TTC28: variants seen among roughly 807,000 people sequenced by gnomAD.
The protein encoded by TTC28 is tetratricopeptide repeat protein 28.
TTC28 carries 61 observed loss-of-function variants against 198.0 expected under a neutral mutation model. That is an observed-to-expected ratio of 0.31 (90% CI 0.25 to 0.38). The LOEUF (loss-of-function observed/expected upper bound fraction) is 0.38. TTC28 is among the 10% of genes least tolerant of loss of function. TTC28 has a pLI of 1.00. For missense variants in TTC28, 2,678 were observed against 3,164.0 expected, an observed-to-expected ratio of 0.85 and a Z score of 3.69; for synonymous variants, 1,171 against 1,297.8, an observed-to-expected ratio of 0.90 and a Z score of 2.10.
chr22:28,176,200 G>A (rs550884298), intron 5 of TTC28, among the ~76,000 whole-genome samples: 1 of 152,248 alleles, frequency 6.6e-6, no homozygotes, highest in South Asian at 2.1e-4. Context: ...AGAAAATGTG[G>A]TATACATATA....
chr22:28,306,135 A>G (rs1170808873), intron 3 of TTC28, among the ~76,000 whole-genome samples: 1 of 152,182 alleles, frequency 6.6e-6, no homozygotes, highest in Non-Finnish European at 1.5e-5. Flanking sequence ...ATTTCCTACT[A>G]AAAGTGCTGT....
At chr22:28,371,049 G>C (rs1173992166) in intron 2 of TTC28, among the ~76,000 whole-genome samples, 2 of 152,152 alleles carry the variant, frequency 1.3e-5, no homozygotes, top group Non-Finnish European at 2.9e-5. Context: ...TAAGTCATGA[G>C]GTTCCAACAC....
chr22:28,145,470 T>G (rs1272765357), intron 6 of TTC28, among the ~76,000 whole-genome samples: 1 of 152,154 alleles, frequency 6.6e-6, no homozygotes, highest in Non-Finnish European at 1.5e-5. Context: ...CCGAGATCAA[T>G]GAACGGTGGG....
At chr22:28,673,125 A>G (rs1409273591) in intron 1 of TTC28, among the ~76,000 whole-genome samples, 1 of 152,210 alleles carries the variant, frequency 6.6e-6, no homozygotes, top group Non-Finnish European at 1.5e-5. Context: ...CTGTAATCCC[A>G]GCACTTTGGG....
At chr22:28,001,276 A>C (rs1937676240) in intron 15 of TTC28, 98 bp downstream of exon 15, 29 of 1,401,418 alleles carry the variant, frequency 2.1e-5, no homozygotes, top group Non-Finnish European at 2.7e-5. Context: ...AGGAGATCAC[A>C]GCTATGCCTT....
At chr22:28,115,445 A>C (rs1942604303) in intron 6 of TTC28, among the ~76,000 whole-genome samples, 1 of 152,196 alleles carries the variant, frequency 6.6e-6, no homozygotes, top group African/African-American at 2.4e-5. Flanking sequence ...ATCATGTGCC[A>C]ATTTCTTCTT....
intron 12 of TTC28, among the ~76,000 whole-genome samples, chr22:28,053,706 G>A (rs1940171407): frequency 6.6e-6 from 1 of 152,048 alleles, no homozygotes; most frequent in Non-Finnish European, 1.5e-5. Context: ...TATTCCAGGA[G>A]CCCTGGAATC....
intron 2 of TTC28, among the ~76,000 whole-genome samples, chr22:28,517,181 A>G (rs1446210859): frequency 6.6e-6 from 1 of 152,172 alleles, no homozygotes; most frequent in Non-Finnish European, 1.5e-5. Flanking sequence ...CTCAAGTTAG[A>G]GCATGGGTGA....
At chr22:28,297,359 C>A (rs1373286583) in intron 4 of TTC28, among the ~76,000 whole-genome samples, 1 of 151,720 alleles carries the variant, frequency 6.6e-6, no homozygotes, top group Non-Finnish European at 1.5e-5. Flanking sequence ...CACAGGTACA[C>A]CACACCCAGC....
At chr22:28,633,624 TCTCAGAAAGAAAATA>T (rs2051216672) in intron 1 of TTC28, among the ~76,000 whole-genome samples, 1 of 152,170 alleles carries the variant, frequency 6.6e-6, no homozygotes, top group South Asian at 2.1e-4. Flanking sequence ...CAAGACCCTG[TCTCAGAAAGAAAATA>T]ATGGCAGAGT....
chr22:28,105,754 G>A lies in TTC28; in HGVS notation c.2832C>T (p.Leu944=), dbSNP rs762741417. Residue 944 remains leucine (L), a synonymous_variant, in exon 8 of 23, where the codon CTC becomes CTT. Coordinates refer to ENST00000397906, the MANE Select transcript of TTC28 (RefSeq NM_001145418.2). ...QQALVCFEKR[L]VVAHELGEAF... The stretch of plus-strand genomic sequence containing the variant: ...CCTCTCCAAGTTCATGAGCAACCAC[G>A]AGCCTCTTTTCAAAGCACACAAGGG... 44 of 1,551,526 alleles carry A rather than the reference G, an allele frequency of 2.8e-5. No individual in the cohort carries two copies. In the African/African-American group the frequency reaches 3.6e-4, roughly 13 times the overall value.
At chr22:28,264,040 C>T (rs552881002) in intron 5 of TTC28, among the ~76,000 whole-genome samples, 1 of 152,158 alleles carries the variant, frequency 6.6e-6, no homozygotes, top group African/African-American at 2.4e-5. Context: ...AAGACCAATT[C>T]AGAGGTTATT....
chr22:28,320,090 T>C (rs1180975136), intron 2 of TTC28, among the ~76,000 whole-genome samples: 1 of 152,132 alleles, frequency 6.6e-6, no homozygotes, highest in East Asian at 1.9e-4. Flanking sequence ...GCTACTACTA[T>C]TTTTTCCATT....
Position 28,287,916 on chromosome 22 carries a change from C to T in TTC28, c.933+8282G>A, listed in dbSNP as rs142541680. ...AGAATATTTATATACCCCCATGTGA[C>T]AAGAGGTATGCAAAGCTATCTAATA... is the stretch of plus-strand genomic sequence containing the variant. On this transcript the variant is annotated intron_variant, in intron 5 of 22. Coordinates refer to ENST00000397906, the MANE Select transcript of TTC28 (RefSeq NM_001145418.2). Among the ~76,000 whole-genome samples, 173 of 152,204 alleles carry T rather than the reference C, an allele frequency of 1.1e-3. 1 individual carries two copies. Among genetic ancestry groups the T allele is most frequent in the Non-Finnish European group, 1.8e-3 (123 of 67,996 alleles).
At chr22:28,611,572 T>A (rs1270778300) in intron 2 of TTC28, among the ~76,000 whole-genome samples, 1 of 148,608 alleles carries the variant, frequency 6.7e-6, no homozygotes, top group Non-Finnish European at 1.5e-5. Context: ...GTTAGTTACA[T>A]ATGTATACAT....
At chr22:28,576,205 ATGT>A (rs1443115606) in intron 2 of TTC28, among the ~76,000 whole-genome samples, 4 of 150,516 alleles carry the variant, frequency 2.7e-5, no homozygotes, top group Admixed American at 6.6e-5. Context: ...TTATGAAGGG[ATGT>A]TGAGTTTTAT....
intron 2 of TTC28, among the ~76,000 whole-genome samples, chr22:28,413,148 C>T (rs964503397): frequency 2.6e-5 from 4 of 152,110 alleles, no homozygotes; most frequent in Non-Finnish European, 2.9e-5. Flanking sequence ...ACTTTCTAGT[C>T]GTCTCAGCCG....
At chr22:28,637,102 G>A (rs1007379393) in intron 1 of TTC28, among the ~76,000 whole-genome samples, 5 of 148,492 alleles carry the variant, frequency 3.4e-5, no homozygotes, top group Admixed American at 6.9e-5. Context: ...TCTGCCTCCC[G>A]GGTTCACACC....
intron 2 of TTC28, among the ~76,000 whole-genome samples, chr22:28,421,913 G>A (rs1024885268): frequency 7.2e-6 from 1 of 139,644 alleles, no homozygotes; most frequent in South Asian, 2.2e-4. Flanking sequence ...CCAGCCTGGT[G>A]ACAGAGCAAG....
Sources: gnomAD v4.1 joint callset for allele counts (sites outside exome capture counted in the v4.1 genomes callset) on GRCh38, gnomAD v4.1.1 for gene constraint, MANE v1.5 for transcripts, NCBI Gene and HGNC (gene_info 2026-07-23, HGNC 2026-07-21) for gene names.